Variants in HOMER2 observed in about 807,000 individuals in gnomAD.
The protein encoded by HOMER2 is homer scaffold protein 2.
HOMER2 carries 27 observed loss-of-function variants against 47.0 expected under a neutral mutation model. The observed-to-expected ratio is 0.57, with a 90% CI of 0.42 to 0.79. The LOEUF (loss-of-function observed/expected upper bound fraction) is 0.79, where lower values mean the gene tolerates loss of function less well. Ranked by LOEUF, HOMER2 falls within the 30% of genes least tolerant of loss-of-function variation. HOMER2 has a pLI of 0.00. For missense variants in HOMER2, 443 were observed against 435.0 expected (o/e 1.02, Z -0.16); for synonymous variants, 161 against 163.8 (o/e 0.98, Z 0.13).
At chr15:82,854,883 T>C (rs978018853) in intron 5 of HOMER2, 83 bp from the exon 6 acceptor site, 2 of 1,512,292 alleles carry the variant, frequency 1.3e-6, no homozygotes, top group Non-Finnish European at 1.8e-6. Flanking sequence ...GACTCCGCCA[T>C]CCCTCAGCAC....
intron 1 of HOMER2, among the ~76,000 whole-genome samples, chr15:82,963,371 T>A (rs895396953): frequency 6.6e-6 from 1 of 152,130 alleles, no homozygotes; most frequent in Non-Finnish European, 1.5e-5. Context: ...ATTACAGGCA[T>A]GAGCCACCGC....
At chr15:82,857,285 C>G (rs368039577) in intron 5 of HOMER2, among the ~76,000 whole-genome samples, 36 of 152,200 alleles carry the variant, frequency 2.4e-4, no homozygotes, top group African/African-American at 8.7e-4. Flanking sequence ...TCACCAGACA[C>G]CAAATCTGCC....
chr15:82,902,993 G>C (rs1261876314), intron 1 of HOMER2, among the ~76,000 whole-genome samples: 1 of 152,176 alleles, frequency 6.6e-6, no homozygotes, highest in African/African-American at 2.4e-5. Context: ...TTTATGATCG[G>C]TTGATCTTCC....
At chr15:82,950,533 C>T (rs935219453) in intron 1 of HOMER2, among the ~76,000 whole-genome samples, 1 of 152,124 alleles carries the variant, frequency 6.6e-6, no homozygotes, top group Non-Finnish European at 1.5e-5. Flanking sequence ...TCAGTTAAAA[C>T]GGCTCCCTCC....
At chr15:82,875,881 A>G (rs527375393) in intron 2 of HOMER2, among the ~76,000 whole-genome samples, 16 of 152,358 alleles carry the variant, frequency 1.1e-4, no homozygotes, top group African/African-American at 3.8e-4. Context: ...AACAGGAAGG[A>G]GCAGGTACAG....
chr15:82,901,925 G>C (rs933199697), intron 1 of HOMER2, among the ~76,000 whole-genome samples: 6 of 152,230 alleles, frequency 3.9e-5, no homozygotes, highest in Admixed American at 6.5e-5. Context: ...TATCTGTCGT[G>C]TTAGCCACAA....
chr15:82,844,384 T>C (rs950587898), downstream of HOMER2: 1 of 152,304 alleles, frequency 6.6e-6, no homozygotes, highest in Admixed American at 6.5e-5. Context: ...GGAAACAACC[T>C]AAGTATCCAA....
intron 1 of HOMER2, among the ~76,000 whole-genome samples, chr15:82,973,550 C>A (rs942173171): frequency 2.0e-5 from 3 of 152,152 alleles, no homozygotes; most frequent in Non-Finnish European, 2.9e-5. Context: ...TTTCATAGGA[C>A]AATGACAAAA....
At chr15:82,864,439 A>G (rs2051897668) in intron 3 of HOMER2, among the ~76,000 whole-genome samples, 180 bp from the exon 4 acceptor site, 1 of 152,230 alleles carries the variant, frequency 6.6e-6, no homozygotes, top group Admixed American at 6.5e-5. Flanking sequence ...GCACTGGGCA[A>G]GGTCAGTTCT....
At chr15:82,892,974 A>G (rs2052767177) in intron 1 of HOMER2, 133 bp from the exon 2 acceptor site, 1 of 650,308 alleles carries the variant, frequency 1.5e-6, no homozygotes, top group Admixed American at 3.8e-5. Context: ...GAAGACAATT[A>G]AAATAAAAGC....
chr15:82,837,679 C>G (rs975652578), exon 2 of HOMER2: 1 of 152,114 alleles, frequency 6.6e-6, no homozygotes, highest in African/African-American at 2.4e-5. Context: ...TGGCCTCTGT[C>G]GTCGGCTGCC....
intron 1 of HOMER2, among the ~76,000 whole-genome samples, chr15:82,924,878 C>A (rs1454918454): frequency 1.3e-5 from 2 of 152,316 alleles, no homozygotes; most frequent in Admixed American, 1.3e-4. Context: ...GTGACAGTCA[C>A]CTAAGCCCAA....
chr15:82,849,475 T>G lies in HOMER2; in HGVS notation c.*240A>C. On this transcript the variant is annotated 3_prime_UTR_variant, in exon 9 of 9. Transcript: ENST00000450735. ...GCCCTGACTGCATAAATGTTGAAGG[T>G]AGACCTAGTTCTGGATTCCTGAGTC... The G allele has an allele frequency of 1.8e-6, 1 of 543,666 alleles. No homozygotes were observed. The highest frequency in any genetic ancestry group is 3.3e-6 in the Non-Finnish European group (1 of 306,358). The allele number at this position is 543,666 out of a possible 1,614,324, so 33.7% of individuals were successfully genotyped here.
At chr15:82,880,194 A>G (rs573332235) in intron 2 of HOMER2, among the ~76,000 whole-genome samples, 2 of 152,212 alleles carry the variant, frequency 1.3e-5, no homozygotes, top group Admixed American at 6.5e-5. Flanking sequence ...TCATTTACAT[A>G]TTGGTCTATG....
At chr15:82,897,808 G>A (rs2052983066) in intron 1 of HOMER2, among the ~76,000 whole-genome samples, 1 of 152,214 alleles carries the variant, frequency 6.6e-6, no homozygotes, top group Non-Finnish European at 1.5e-5. Context: ...CATGAGCTTG[G>A]AAGCAGATCT....
At chr15:82,891,747 G>C (rs2052714819) in intron 2 of HOMER2, among the ~76,000 whole-genome samples, 1 of 152,180 alleles carries the variant, frequency 6.6e-6, no homozygotes, top group African/African-American at 2.4e-5. Context: ...AAGAGTTATG[G>C]TCTTAAAAGA....
intron 1 of HOMER2, among the ~76,000 whole-genome samples, chr15:82,900,554 A>G (rs1023264214): frequency 6.6e-6 from 1 of 152,242 alleles, no homozygotes; most frequent in Non-Finnish European, 1.5e-5. Flanking sequence ...CATCTCAGAT[A>G]TTGAAATGTA....
chr15:82,859,289 GAC>G (rs1333090819), intron 4 of HOMER2, 154 bp from the exon 5 acceptor site: 5 of 964,316 alleles, frequency 5.2e-6, no homozygotes, highest in Non-Finnish European at 7.5e-6. Flanking sequence ...ATGCAGCAAA[GAC>G]TAACAAGTTT....
intron 4 of HOMER2, among the ~76,000 whole-genome samples, chr15:82,860,370 T>TGG (rs200657325): frequency 2.6e-5 from 4 of 151,092 alleles, no homozygotes; most frequent in Admixed American, 1.3e-4. Flanking sequence ...TAAAATATGG[T>TGG]GGGGGGGAGC....
Sources: allele counts gnomAD v4.1 joint callset (sites outside exome capture counted in the v4.1 genomes callset), GRCh38; gene constraint gnomAD v4.1.1; transcripts MANE v1.5; gene names NCBI Gene and HGNC (gene_info 2026-07-23, HGNC 2026-07-21).